Variants in ZMIZ1 observed in about 807,000 individuals in gnomAD.
ZMIZ1 encodes the protein zinc finger MIZ-type containing 1, also known as zinc finger MIZ domain-containing protein 1.
In ZMIZ1, 17 loss-of-function variants were observed where a neutral mutation model predicts 113.9. The ratio of observed to expected loss-of-function variants is 0.15; its 90% CI spans 0.10 to 0.22. The LOEUF (loss-of-function observed/expected upper bound fraction) is 0.22, where lower values mean the gene tolerates loss of function less well. Ranked by LOEUF, ZMIZ1 falls within the 10% of genes least tolerant of loss-of-function variation. The pLI is 1.00. For synonymous variants in ZMIZ1, 607 were observed against 603.1 expected, an observed-to-expected ratio of 1.01 and a Z score of -0.09; for missense variants, 1,059 against 1,477.8, an observed-to-expected ratio of 0.72 and a Z score of 4.65.
At chr10:79,170,409 C>A (rs1846550531) in intron 4 of ZMIZ1, among the ~76,000 whole-genome samples, 2 of 152,226 alleles carry the variant, frequency 1.3e-5, no homozygotes, top group Admixed American at 1.3e-4. Context: ...AGCCACAGAG[C>A]ATTTGGCTCA....
rs118191740 is a variant in ZMIZ1 at position 79,207,509 on chromosome 10, C to T, written c.61-827C>T. 8.6e-3 allele frequency among the ~76,000 whole-genome samples: 1,305 copies of T among 152,304 alleles called. 36 individuals are homozygous for T. Among genetic ancestry groups the T allele is most frequent in the Admixed American group, 0.036 (553 of 15,304 alleles). ...ATGGGAACCACCCCTTTGCTTTGCA[C>T]CTCACCCACCCCACCAGCCCTGCAG... is the stretch of plus-strand genomic sequence containing the variant. On this transcript the variant is annotated intron_variant, in intron 5 of 24. Coordinates refer to ENST00000334512, the MANE Select transcript of ZMIZ1 (RefSeq NM_020338.4).
chr10:79,112,836 C>G (rs570067188), intron 1 of ZMIZ1, among the ~76,000 whole-genome samples: 12 of 152,302 alleles, frequency 7.9e-5, no homozygotes, highest in Non-Finnish European at 1.8e-4. Flanking sequence ...TTAATTTCTT[C>G]TGATTATTTC....
Position 79,309,315 on chromosome 10 carries a change from A to C in ZMIZ1, c.2836-1609A>C, listed in dbSNP as rs550789175. On this transcript the variant is annotated intron_variant, in intron 23 of 24. Coordinates refer to ENST00000334512, the MANE Select transcript of ZMIZ1 (RefSeq NM_020338.4). ...AGCTGAGGGGCACAGCTGCCTCTGA[A>C]GATCCAGGGACTGTCTGTCTTGAGC... 7.9e-5 allele frequency among the ~76,000 whole-genome samples: 12 copies of C among 152,282 alleles called. No individual in the cohort carries two copies. The South Asian group carries it at 2.5e-3, about 32-fold the overall frequency.
At chr10:79,303,924 G>T in intron 18 of ZMIZ1, 91 bp from the exon 19 acceptor site, 1 of 1,535,660 alleles carries the variant, frequency 6.5e-7, no homozygotes, top group Non-Finnish European at 8.9e-7. Context: ...ACATGCCCCA[G>T]CTGCACGAGG....
At chr10:79,196,885 A>G (rs1847856324) in intron 4 of ZMIZ1, among the ~76,000 whole-genome samples, 1 of 152,250 alleles carries the variant, frequency 6.6e-6, no homozygotes, top group South Asian at 2.1e-4. Context: ...AACCAAGGCC[A>G]GGAAACCAGA....
chr10:79,214,710 C>A (rs1428480417), intron 6 of ZMIZ1, among the ~76,000 whole-genome samples: 11 of 152,324 alleles, frequency 7.2e-5, no homozygotes, highest in African/African-American at 2.4e-4. Context: ...CAGAGTCCCC[C>A]CTTTTTCAGA....
intron 7 of ZMIZ1, among the ~76,000 whole-genome samples, chr10:79,220,740 TC>T (rs1848931104): frequency 6.6e-6 from 1 of 152,210 alleles, no homozygotes; most frequent in South Asian, 2.1e-4. Flanking sequence ...TCAGACTTTC[TC>T]CCACTGTACG....
intron 7 of ZMIZ1, among the ~76,000 whole-genome samples, chr10:79,246,176 G>T (rs1442873027): frequency 1.3e-5 from 2 of 152,232 alleles, no homozygotes; most frequent in South Asian, 4.1e-4. Flanking sequence ...CAAGAGGGTG[G>T]CATGAGTCCC....
At chr10:79,259,246 C>A (rs1398859845) in intron 7 of ZMIZ1, among the ~76,000 whole-genome samples, 2 of 152,094 alleles carry the variant, frequency 1.3e-5, no homozygotes, top group African/African-American at 4.8e-5. Context: ...GAAGGGGGGG[C>A]TGGAGCTCTC....
chr10:79,237,227 C>T (rs1018317868), intron 7 of ZMIZ1, among the ~76,000 whole-genome samples: 5 of 152,212 alleles, frequency 3.3e-5, no homozygotes, highest in Admixed American at 3.3e-4. Flanking sequence ...GAAATGAGGT[C>T]AGAGAGATGA....
chr10:79,258,504 C>T (rs977265019), intron 7 of ZMIZ1, among the ~76,000 whole-genome samples: 4 of 152,256 alleles, frequency 2.6e-5, no homozygotes, highest in Admixed American at 1.3e-4. Flanking sequence ...CCTCCTGTTT[C>T]GGGCAGCACA....
chr10:79,120,389 C>T lies in ZMIZ1; in HGVS notation c.-227+1365C>T, dbSNP rs772337940. Among the ~76,000 whole-genome samples, 60 of 152,210 alleles carry T rather than the reference C, an allele frequency of 3.9e-4. 1 individual carries two copies. Among genetic ancestry groups the T allele is most frequent in the Admixed American group, 3.9e-4 (6 of 15,280 alleles). On this transcript the variant is annotated intron_variant, in intron 2 of 24. Coordinates refer to ENST00000334512, the MANE Select transcript of ZMIZ1 (RefSeq NM_020338.4). ...GGGCTGCATATCCATGCACACACAA[C>T]GCAGGGTGCATTCCAACAAGAAGAG...
At position 79,280,050 on chromosome 10, in the gene ZMIZ1, G is replaced by A. The variant is rs551206346; in HGVS notation, c.425+2725G>A. ...GTCACCCAGGCTGTAGTACAGTGGC[G>A]CAATCTCGGCTGACTGCAAGCTCCG... is the stretch of plus-strand genomic sequence containing the variant. On this transcript the variant is annotated intron_variant, in intron 8 of 24. Coordinates refer to ENST00000334512, the MANE Select transcript of ZMIZ1 (RefSeq NM_020338.4). 7.9e-5 allele frequency among the ~76,000 whole-genome samples: 12 copies of A among 151,150 alleles called. No homozygotes were observed. The South Asian group carries it at 1.3e-3, about 16-fold the overall frequency.
intron 1 of ZMIZ1, among the ~76,000 whole-genome samples, chr10:79,106,529 C>T (rs1376191785): frequency 6.6e-6 from 1 of 152,206 alleles, no homozygotes; most frequent in Non-Finnish European, 1.5e-5. Flanking sequence ...CATTGCATCG[C>T]CAGCACCCAG....
chr10:79,133,437 G>C (rs1398028150), intron 2 of ZMIZ1, among the ~76,000 whole-genome samples: 5 of 152,198 alleles, frequency 3.3e-5, no homozygotes, highest in African/African-American at 1.2e-4. Flanking sequence ...CTGCACCTCA[G>C]GGGTACAGCA....
Position 79,292,277 on chromosome 10 carries a change from C to T in ZMIZ1, c.878C>T (p.Ala293Val), listed in dbSNP as rs771463010. Residue 293 changes from alanine to valine, a missense_variant, in exon 11 of 25, where the codon GCC (alanine) becomes GTC (valine). Physicochemically the swap from Ala to Val is moderately conservative, Grantham distance 64. Coordinates refer to ENST00000334512, the MANE Select transcript of ZMIZ1 (RefSeq NM_020338.4). Reference protein sequence around the residue: ...AAAAAVAAAAATATATATATV... With the variant: ...AAAAAVAAAAVTATATATATV... Reference sequence around the variant, plus strand: ...GCAGCGGCAGTGGCAGCAGCAGCAGCCACAGCTACAGCCACAGCCACGGCC... The same window carrying T: ...GCAGCGGCAGTGGCAGCAGCAGCAGTCACAGCTACAGCCACAGCCACGGCC... 37 of 1,612,590 alleles carry T rather than the reference C, an allele frequency of 2.3e-5. No homozygotes were observed. The highest frequency in any genetic ancestry group is 3.0e-5 in the Non-Finnish European group (35 of 1,179,760).
At chr10:79,119,324 G>A (rs1432490246) in intron 2 of ZMIZ1, among the ~76,000 whole-genome samples, 1 of 152,182 alleles carries the variant, frequency 6.6e-6, no homozygotes, top group African/African-American at 2.4e-5. Context: ...TTCTACTCTA[G>A]TCCATGGAAA....
chr10:79,297,783 C>A, intron 14 of ZMIZ1, 93 bp downstream of exon 14: 1 of 1,127,384 alleles, frequency 8.9e-7, no homozygotes, highest in Non-Finnish European at 1.3e-6. Context: ...TCTGGACATT[C>A]AAAGGGGCCC....
chr10:79,081,625 G>A (rs1271808306), intron 1 of ZMIZ1, among the ~76,000 whole-genome samples: 3 of 152,204 alleles, frequency 2.0e-5, no homozygotes, highest in Non-Finnish European at 4.4e-5. Flanking sequence ...CCTCCCCTGT[G>A]GACCAGCACC....
Sources: allele counts gnomAD v4.1 joint callset (sites outside exome capture counted in the v4.1 genomes callset), GRCh38; gene constraint gnomAD v4.1.1; transcripts MANE v1.5; gene names NCBI Gene and HGNC (gene_info 2026-07-23, HGNC 2026-07-21).